Variants in ACOXL observed in about 807,000 individuals in gnomAD.
ACOXL encodes the protein acyl-CoA oxidase like, also known as acyl-coenzyme A oxidase-like protein.
In ACOXL, 70 loss-of-function variants were observed where a neutral mutation model predicts 71.9. The ratio of observed to expected loss-of-function variants is 0.97; its 90% CI spans 0.80 to 1.19. ACOXL has a LOEUF of 1.19. Ranked by LOEUF, ACOXL falls within the 50% of genes most tolerant of loss-of-function variation. ACOXL has a pLI of 0.00. For missense variants in ACOXL, 703 were observed against 736.3 expected, an observed-to-expected ratio of 0.95 and a Z score of 0.52; for synonymous variants, 253 against 281.6, an observed-to-expected ratio of 0.90 and a Z score of 1.02.
intron 2 of ACOXL, among the ~76,000 whole-genome samples, chr2:110,779,513 G>T (rs774358611): frequency 1.1e-4 from 17 of 152,194 alleles, no homozygotes; most frequent in African/African-American, 1.7e-4. Flanking sequence ...AGACCTAGAA[G>T]AGTTAAAACA....
intron 9 of ACOXL, among the ~76,000 whole-genome samples, chr2:110,813,518 A>G (rs1687587821): frequency 6.6e-6 from 1 of 152,148 alleles, no homozygotes; most frequent in Admixed American, 6.5e-5. Flanking sequence ...GCTTCACTCC[A>G]TGGAAGTCCT....
intron 9 of ACOXL, among the ~76,000 whole-genome samples, chr2:110,832,406 C>T (rs1023231750): frequency 3.4e-4 from 51 of 151,898 alleles, no homozygotes; most frequent in African/African-American, 1.2e-3. Context: ...GGTGCGGTGG[C>T]GGGCGCCTGT....
intron 1 of ACOXL, among the ~76,000 whole-genome samples, chr2:110,744,811 G>C (rs772218476): frequency 1.3e-5 from 2 of 152,190 alleles, no homozygotes; most frequent in Non-Finnish European, 2.9e-5. Flanking sequence ...TGTCAGAGGG[G>C]CATACTCTCT....
At chr2:110,946,473 A>C (rs1444540439) in intron 12 of ACOXL, among the ~76,000 whole-genome samples, 2 of 152,066 alleles carry the variant, frequency 1.3e-5, no homozygotes, top group Non-Finnish European at 2.9e-5. Flanking sequence ...TCTCAGGGGG[A>C]ATGGTTTCAG....
chr2:111,004,012 G>A (rs2063762138), intron 14 of ACOXL, among the ~76,000 whole-genome samples: 1 of 152,180 alleles, frequency 6.6e-6, no homozygotes, highest in South Asian at 2.1e-4. Context: ...TCAGCTAGCT[G>A]TATATTGGCT....
intron 9 of ACOXL, among the ~76,000 whole-genome samples, chr2:110,807,333 C>A (rs1039435289): frequency 2.0e-5 from 3 of 152,124 alleles, no homozygotes; most frequent in African/African-American, 7.2e-5. Flanking sequence ...TGGCCCAGAG[C>A]GATGCTCCAT....
chr2:110,906,158 T>C (rs1273005354), intron 10 of ACOXL, among the ~76,000 whole-genome samples: 1 of 152,238 alleles, frequency 6.6e-6, no homozygotes, highest in Non-Finnish European at 1.5e-5. Flanking sequence ...GAATTCATTC[T>C]TTCATTCATT....
At chr2:110,868,145 G>A (rs542771823) in intron 10 of ACOXL, among the ~76,000 whole-genome samples, 4 of 152,276 alleles carry the variant, frequency 2.6e-5, no homozygotes, top group East Asian at 1.9e-4. Context: ...TTTGTGTAAC[G>A]AATTTCATGT....
intron 12 of ACOXL, among the ~76,000 whole-genome samples, chr2:110,934,493 C>T (rs2060590900): frequency 6.6e-6 from 1 of 152,160 alleles, no homozygotes; most frequent in South Asian, 2.1e-4. Flanking sequence ...ATAAACAGCA[C>T]CTCTGAACAT....
chr2:110,987,098 CTT>C lies in ACOXL; in HGVS notation c.1060-8_1060-7del, dbSNP rs1276577626. On this transcript the variant is annotated splice_region_variant and splice_polypyrimidine_tract_variant and intron_variant, in intron 12 of 17. Coordinates refer to ENST00000439055, the MANE Select transcript of ACOXL (RefSeq NM_001142807.4). Reference sequence around the variant, plus strand: ...TGCTGAGACTGATGAGCGATAAACTCTTTGCACAGGTTGTGGGGCGGGAACTG... The same window carrying C: ...TGCTGAGACTGATGAGCGATAAACTCTGCACAGGTTGTGGGGCGGGAACTG... 2.6e-6 allele frequency: 4 copies of C among 1,559,446 alleles called. No individual in the cohort carries two copies. Among genetic ancestry groups the C allele is most frequent in the Middle Eastern group, 1.7e-4 (1 of 6,004 alleles).
At chr2:111,111,019 C>A (rs2069908836) in intron 17 of ACOXL, among the ~76,000 whole-genome samples, 1 of 150,778 alleles carries the variant, frequency 6.6e-6, no homozygotes, top group Non-Finnish European at 1.5e-5. Flanking sequence ...GAAGATTATT[C>A]CTTCTTGAGT....
chr2:111,115,130 G>C (rs1041177657), intron 17 of ACOXL, among the ~76,000 whole-genome samples: 3 of 152,110 alleles, frequency 2.0e-5, no homozygotes, highest in Non-Finnish European at 4.4e-5. Context: ...TTCAAAAGCT[G>C]GTGAATTTTC....
intron 7 of ACOXL, among the ~76,000 whole-genome samples, chr2:110,799,788 TAAAATGCACCAATCAGTGCTCTGTA>T (rs1227344836): frequency 4.8e-4 from 73 of 152,244 alleles, no homozygotes; most frequent in African/African-American, 1.7e-3. Flanking sequence ...AAGGGGATTG[TAAAATGCACCAATCAGTGCTCTGTA>T]AAAATGCACC....
Position 111,064,446 on chromosome 2 carries a change from C to CA in ACOXL, c.1440+15168dup, listed in dbSNP as rs1007815116. Among the ~76,000 whole-genome samples the CA allele has an allele frequency of 2.2e-4, 31 of 138,268 alleles. 1 individual carries two copies. The highest frequency in any genetic ancestry group is 2.8e-4 in the Non-Finnish European group (18 of 65,034). 90.7% of individuals were successfully genotyped at this position (138,268 alleles called of 152,430 possible). ...GCGACACTCCATCTCAAAAAAAAAACAAAAAAAAAACAACAACTATATAGT... is the reference window on the plus strand; with the variant it reads ...GCGACACTCCATCTCAAAAAAAAAACAAAAAAAAAAACAACAACTATATAGT... On this transcript the variant is annotated intron_variant, in intron 16 of 17. Transcript: ENST00000439055.
intron 9 of ACOXL, among the ~76,000 whole-genome samples, chr2:110,834,653 C>T (rs1344174755): frequency 4.6e-5 from 7 of 152,208 alleles, no homozygotes; most frequent in Admixed American, 3.9e-4. Flanking sequence ...TTCCTAAAGC[C>T]CATAACCATT....
chr2:111,087,927 T>C (rs1301961968), intron 16 of ACOXL, among the ~76,000 whole-genome samples: 2 of 152,100 alleles, frequency 1.3e-5, no homozygotes, highest in East Asian at 3.8e-4. Flanking sequence ...CCAGCATCTC[T>C]AAGGAACTTA....
intron 10 of ACOXL, among the ~76,000 whole-genome samples, chr2:110,874,256 G>A (rs985028490): frequency 6.6e-6 from 1 of 152,010 alleles, no homozygotes; most frequent in Non-Finnish European, 1.5e-5. Flanking sequence ...GAGTGGGCAC[G>A]ACATTTGCGT....
chr2:110,808,671 G>GC (rs2105391260), intron 9 of ACOXL, among the ~76,000 whole-genome samples: 1 of 152,288 alleles, frequency 6.6e-6, no homozygotes, highest in African/African-American at 2.4e-5. Context: ...AGCTGGGGAT[G>GC]CCCCCCTTTT....
chr2:110,875,451 A>C (rs1695787368), intron 10 of ACOXL, among the ~76,000 whole-genome samples: 1 of 152,164 alleles, frequency 6.6e-6, no homozygotes, highest in Non-Finnish European at 1.5e-5. Flanking sequence ...CCTTGTAGAT[A>C]TGGGGAGGTG....
Sources: allele counts gnomAD v4.1 joint callset (sites outside exome capture counted in the v4.1 genomes callset), GRCh38; gene constraint gnomAD v4.1.1; transcripts MANE v1.5; gene names NCBI Gene and HGNC (gene_info 2026-07-23, HGNC 2026-07-21).